CALD1: variants seen among roughly 807,000 people sequenced by gnomAD.
CALD1 encodes caldesmon 1.
Under a neutral mutation model 99.9 loss-of-function variants are expected in CALD1, and 33 were observed. The ratio of observed to expected loss-of-function variants is 0.33; its 90% CI spans 0.25 to 0.44. The LOEUF (loss-of-function observed/expected upper bound fraction) is 0.44, where lower values mean the gene tolerates loss of function less well. Ranked by LOEUF, CALD1 falls within the 20% of genes least tolerant of loss-of-function variation. CALD1 has a pLI of 1.00. For synonymous variants in CALD1, 310 were observed against 325.0 expected, an observed-to-expected ratio of 0.95 and a Z score of 0.50; for missense variants, 861 against 962.1, an observed-to-expected ratio of 0.89 and a Z score of 1.39.
intron 7 of CALD1, among the ~76,000 whole-genome samples, chr7:134,943,454 T>C (rs76321500): frequency 0.058 from 8,793 of 152,290 alleles, 342 homozygotes; most frequent in Non-Finnish European, 0.093. Context: ...TTAATTACTG[T>C]TCCCTTTGAT....
In CALD1 at chr7:134,754,506, C is replaced by T. The variant is rs1316260850; in HGVS notation, c.-130+10143C>T. Among the ~76,000 whole-genome samples, 6 of 152,044 alleles carry T rather than the reference C, an allele frequency of 3.9e-5. No homozygotes were observed. In the East Asian group the frequency reaches 1.2e-3, roughly 29 times the overall value. On this transcript the variant is annotated intron_variant, in intron 1 of 13. Coordinates refer to the CALD1 transcript ENST00000417172. ...CAAATATGAAAGGTAAACCTAAAAC[C>T]CACTGCTGATATCCATGTATAATCC...
intron 1 of CALD1, among the ~76,000 whole-genome samples, chr7:134,759,707 T>C (rs1449500987): frequency 1.3e-5 from 2 of 152,154 alleles, no homozygotes; most frequent in South Asian, 2.1e-4. Context: ...CCTTTATCCA[T>C]GAACCATTCA....
intron 1 of CALD1, among the ~76,000 whole-genome samples, chr7:134,817,573 C>A (rs1255916217): frequency 6.6e-6 from 1 of 152,128 alleles, no homozygotes; most frequent in Non-Finnish European, 1.5e-5. Context: ...CTGAAGAACA[C>A]CTGATTGTTT....
chr7:134,873,038 T>A (rs1244582272), intron 3 of CALD1, among the ~76,000 whole-genome samples: 1 of 151,606 alleles, frequency 6.6e-6, no homozygotes, highest in Non-Finnish European at 1.5e-5. Flanking sequence ...CAAAAAAAAA[T>A]TCGCTGGGCA....
At chr7:134,916,843 G>A (rs569156955) in intron 3 of CALD1, among the ~76,000 whole-genome samples, 1 of 152,300 alleles carries the variant, frequency 6.6e-6, no homozygotes, top group South Asian at 2.1e-4. Context: ...TTCAGATTTA[G>A]GGATGAGTCG....
intron 7 of CALD1, 101 bp from the exon 8 acceptor site, chr7:134,947,407 A>C: frequency 8.3e-7 from 1 of 1,204,220 alleles, no homozygotes; most frequent in Non-Finnish European, 1.1e-6. Context: ...GGCAGTGGGT[A>C]TTTAGTCGGG....
At chr7:134,965,440 G>A (rs1286394913) in intron 14 of CALD1, 54 bp downstream of exon 14, 11 of 850,234 alleles carry the variant, frequency 1.3e-5, no homozygotes, top group Middle Eastern at 2.2e-4. Flanking sequence ...GATGTATGGT[G>A]TAGTATAATG....
chr7:134,733,813 A>C, the CALD1 span, among the ~76,000 whole-genome samples: 32 of 89,372 alleles, frequency 3.6e-4, no homozygotes, highest in Admixed American at 1.1e-3. Context: ...TGTCTCAAAA[A>C]AAAAAACAAA....
intron 3 of CALD1, among the ~76,000 whole-genome samples, chr7:134,894,550 G>A (rs1478926784): frequency 1.3e-5 from 2 of 152,196 alleles, no homozygotes; most frequent in East Asian, 3.8e-4. Context: ...TAAAACAGGT[G>A]CTCAACAAAA....
rs549011851 is a variant in CALD1 at position 134,816,758 on chromosome 7, G to A, written c.-129-27126G>A. ...GGATCAATGTATTCAAATAGACACT[G>A]GAGAAGACATTTCCACTGTTTCCCA... On this transcript the variant is annotated intron_variant, in intron 1 of 14. Coordinates refer to ENST00000361675, the MANE Select transcript of CALD1 (RefSeq NM_033138.4). Among the ~76,000 whole-genome samples the A allele has an allele frequency of 4.6e-5, 7 of 152,206 alleles. 1 individual carries two copies. The East Asian group carries it at 1.4e-3, about 29-fold the overall frequency.
intron 6 of CALD1, among the ~76,000 whole-genome samples, chr7:134,940,468 A>C (rs2133052921): frequency 6.6e-6 from 1 of 152,238 alleles, no homozygotes; most frequent in South Asian, 2.1e-4. Flanking sequence ...TTCTAACTTT[A>C]ATGGTTTAGA....
At chr7:134,718,320 A>T in the CALD1 span, among the ~76,000 whole-genome samples, 1 of 152,206 alleles carries the variant, frequency 6.6e-6, no homozygotes, top group Admixed American at 6.5e-5. Flanking sequence ...TCCACTCATC[A>T]ATCTTATGAA....
rs1412410723 is a variant in CALD1 at position 134,767,193 on chromosome 7, C to T, written c.-130+22830C>T. ...GTACACACACTCTCTCTCTCTCTGT[C>T]TCTGTGTGTGTGTGTGTGTGTGTGT... On this transcript the variant is annotated intron_variant, in intron 1 of 13. Transcript: ENST00000417172. Among the ~76,000 whole-genome samples, 12 of 117,900 alleles carry T rather than the reference C, an allele frequency of 1.0e-4. No homozygotes were observed. The East Asian group carries it at 1.9e-3, about 19-fold the overall frequency. 77.3% of individuals were successfully genotyped at this position (117,900 alleles called of 152,430 possible).
chr7:134,764,853 C>G (rs2131607257), intron 1 of CALD1, among the ~76,000 whole-genome samples: 1 of 151,902 alleles, frequency 6.6e-6, no homozygotes, highest in African/African-American at 2.4e-5. Context: ...GGGCTGGTGC[C>G]AAGGAGGTAA....
chr7:134,845,400 C>T (rs1019759211), intron 2 of CALD1, among the ~76,000 whole-genome samples: 1 of 152,052 alleles, frequency 6.6e-6, no homozygotes, highest in African/African-American at 2.4e-5. Context: ...TCACTTCCTG[C>T]CCCCCAAGAC....
chr7:134,849,348 T>C (rs755378583), intron 2 of CALD1, among the ~76,000 whole-genome samples: 1 of 152,256 alleles, frequency 6.6e-6, no homozygotes, highest in Non-Finnish European at 1.5e-5. Flanking sequence ...CAGATTATAA[T>C]GTAGTTCCAA....
At chr7:134,954,903 C>G (rs1807646984) in intron 9 of CALD1, among the ~76,000 whole-genome samples, 1 of 152,210 alleles carries the variant, frequency 6.6e-6, no homozygotes, top group South Asian at 2.1e-4. Flanking sequence ...ATTTCTGAAA[C>G]CATGTAAACC....
At chr7:134,742,844 T>C (rs977848551), upstream of CALD1, among the ~76,000 whole-genome samples, 2 of 152,200 alleles carry the variant, frequency 1.3e-5, no homozygotes, top group Non-Finnish European at 2.9e-5. Flanking sequence ...AGCAGTGTTC[T>C]GTTTCTTTAA....
At chr7:134,905,368 C>T (rs1340118474) in intron 3 of CALD1, among the ~76,000 whole-genome samples, 11 of 151,972 alleles carry the variant, frequency 7.2e-5, no homozygotes, top group Admixed American at 1.3e-4. Context: ...CTATGACTTC[C>T]GTGGTTAGCT....
Sources: gnomAD v4.1 joint callset for allele counts (sites outside exome capture counted in the v4.1 genomes callset) on GRCh38, gnomAD v4.1.1 for gene constraint, MANE v1.5 for transcripts, NCBI Gene and HGNC (gene_info 2026-07-23, HGNC 2026-07-21) for gene names.